Variants in PTPN14 observed in about 807,000 individuals in gnomAD.
PTPN14 encodes protein tyrosine phosphatase non-receptor type 14.
A neutral mutation model predicts 126.8 loss-of-function variants in PTPN14; 53 were observed. The ratio of observed to expected loss-of-function variants is 0.42; its 90% CI spans 0.34 to 0.53. PTPN14 has a LOEUF of 0.53. Among genes scored for constraint, PTPN14 ranks in the 20% least tolerant of loss-of-function variants. The pLI, the probability that PTPN14 is intolerant of heterozygous loss-of-function variation, is 0.08. For synonymous variants in PTPN14, 630 were observed against 599.3 expected (o/e 1.05, Z -0.75); for missense variants, 1,257 against 1,552.9 (o/e 0.81, Z 3.20).
At chr1:214,542,379 C>T (rs949046012) in intron 1 of PTPN14, among the ~76,000 whole-genome samples, 7 of 152,172 alleles carry the variant, frequency 4.6e-5, no homozygotes, top group African/African-American at 1.7e-4. Flanking sequence ...CAAAGTGGTG[C>T]CACAACAGGT....
Position 214,350,969 on chromosome 1 carries a change from G to T in PTPN14, c.*6953C>A, listed in dbSNP as rs570262964. 1 of 151,838 alleles carries T rather than the reference G, an allele frequency of 6.6e-6. No individual in the cohort carries two copies. The highest frequency in any genetic ancestry group is 2.4e-5 in the African/African-American group (1 of 41,356). The allele number at this position is 151,838 out of a possible 1,614,324, so 9.4% of individuals were successfully genotyped here. A position where few individuals can be genotyped will look rare whatever the true frequency, so the allele number is the denominator to read the frequency against. On this transcript the variant is annotated 3_prime_UTR_variant, in exon 19 of 19. Transcript: ENST00000366956. Reference sequence around the variant, plus strand: ...AGGTTTAAGGCAATGATTCTCTGACGAGGATTAACTCTTACATCTGGGTTG... The same window carrying T: ...AGGTTTAAGGCAATGATTCTCTGACTAGGATTAACTCTTACATCTGGGTTG...
intron 4 of PTPN14, among the ~76,000 whole-genome samples, chr1:214,413,027 A>G (rs116248220): frequency 0.017 from 2,594 of 152,126 alleles, 76 homozygotes; most frequent in African/African-American, 0.059. Context: ...ACAACACCAT[A>G]CTGGGCTAAT....
At chr1:214,536,609 ACC>A in intron 1 of PTPN14, among the ~76,000 whole-genome samples, 1 of 152,084 alleles carries the variant, frequency 6.6e-6, no homozygotes, top group African/African-American at 2.4e-5. Flanking sequence ...ACCTAGTGAT[ACC>A]CTGTCTCTAC....
At chr1:214,453,274 C>T (rs1008491723) in intron 2 of PTPN14, among the ~76,000 whole-genome samples, 7 of 152,318 alleles carry the variant, frequency 4.6e-5, no homozygotes, top group African/African-American at 1.4e-4. Context: ...TGAATTCTGA[C>T]CCTATTATTC....
At chr1:214,447,035 T>C (rs1276707372) in intron 3 of PTPN14, among the ~76,000 whole-genome samples, 1 of 152,188 alleles carries the variant, frequency 6.6e-6, no homozygotes, top group Admixed American at 6.5e-5. Flanking sequence ...AAAGACTAAC[T>C]GTTTTGTGTC....
chr1:214,414,523 A>G (rs1659381934), intron 4 of PTPN14, 106 bp downstream of exon 4: 3 of 1,022,696 alleles, frequency 2.9e-6, no homozygotes, highest in Non-Finnish European at 4.5e-6. Flanking sequence ...AGGGAGCATT[A>G]CTAAGGGATC....
chr1:214,404,186 A>G (rs1659105954), intron 5 of PTPN14, among the ~76,000 whole-genome samples: 1 of 152,222 alleles, frequency 6.6e-6, no homozygotes, highest in African/African-American at 2.4e-5. Context: ...AATCTGAAAA[A>G]TCAATATATT....
chr1:214,494,034 G>A (rs941271553), intron 1 of PTPN14, among the ~76,000 whole-genome samples: 2 of 152,024 alleles, frequency 1.3e-5, no homozygotes, highest in African/African-American at 2.4e-5. Flanking sequence ...CCTCTCTCCC[G>A]TCCTTAGTGC....
At chr1:214,520,285 A>C (rs1161269554) in intron 1 of PTPN14, among the ~76,000 whole-genome samples, 1 of 151,958 alleles carries the variant, frequency 6.6e-6, no homozygotes, top group Non-Finnish European at 1.5e-5. Context: ...GATTCTCTAC[A>C]AACTACATCT....
intron 3 of PTPN14, among the ~76,000 whole-genome samples, chr1:214,444,428 A>G (rs1486482158): frequency 1.3e-5 from 2 of 152,346 alleles, no homozygotes; most frequent in East Asian, 3.9e-4. Flanking sequence ...GAGTCCCTGT[A>G]TCCCAGCCCA....
At chr1:214,528,844 T>C (rs1038542269) in intron 1 of PTPN14, 7 of 151,336 alleles carry the variant, frequency 4.6e-5, no homozygotes, top group Non-Finnish European at 1.0e-4. Context: ...GGCACAAGAA[T>C]CACTTAAATC....
At chr1:214,430,956 T>C (rs1448197267) in intron 3 of PTPN14, among the ~76,000 whole-genome samples, 1 of 152,176 alleles carries the variant, frequency 6.6e-6, no homozygotes. Context: ...CCTTATACTT[T>C]GAAAATAATT....
intron 1 of PTPN14, among the ~76,000 whole-genome samples, chr1:214,497,674 C>T (rs764753743): frequency 6.6e-6 from 1 of 152,154 alleles, no homozygotes; most frequent in Non-Finnish European, 1.5e-5. Context: ...ACTCCTGAGA[C>T]AGGCAGCTTA....
intron 1 of PTPN14, among the ~76,000 whole-genome samples, chr1:214,506,684 C>A (rs564167665): frequency 2.0e-5 from 3 of 152,174 alleles, no homozygotes; most frequent in Non-Finnish European, 4.4e-5. Flanking sequence ...TGCTCATTAA[C>A]CAGGGATACA....
intron 1 of PTPN14, chr1:214,531,595 C>T (rs771454691): frequency 6.6e-6 from 1 of 151,896 alleles, no homozygotes; most frequent in African/African-American, 2.4e-5. Context: ...GAAGATTTCT[C>T]GTATCTGCCC....
At position 214,459,827 on chromosome 1, in the gene PTPN14, C is replaced by A. The variant is rs539047279; in HGVS notation, c.174+4803G>T. Among the ~76,000 whole-genome samples the A allele has an allele frequency of 1.1e-3, 164 of 152,312 alleles. 5 individuals carry two copies. In the East Asian group the frequency reaches 0.029, roughly 27 times the overall value. ...GTTCTTTACCTAACATGCAAGGTAA[C>A]TATGTCATGCTCCTCCTTGGAGTCC... On this transcript the variant is annotated intron_variant, in intron 2 of 18. Transcript: ENST00000366956.
intron 3 of PTPN14, among the ~76,000 whole-genome samples, chr1:214,449,207 G>C (rs74579941): frequency 1.3e-5 from 2 of 150,682 alleles, no homozygotes; most frequent in South Asian, 4.2e-4. Context: ...GGGGTTTCAC[G>C]GTGTTAGCCA....
intron 3 of PTPN14, among the ~76,000 whole-genome samples, chr1:214,436,182 G>A (rs1659910937): frequency 6.6e-6 from 1 of 152,122 alleles, no homozygotes; most frequent in African/African-American, 2.4e-5. Flanking sequence ...TTTTAAGTGG[G>A]AGCTAAACAT....
intron 3 of PTPN14, among the ~76,000 whole-genome samples, chr1:214,422,079 G>A (rs1407432047): frequency 1.3e-5 from 2 of 152,150 alleles, no homozygotes; most frequent in Non-Finnish European, 1.5e-5. Flanking sequence ...AGAAAGGAGG[G>A]AGAAAGGGAG....
Sources: allele counts gnomAD v4.1 joint callset (sites outside exome capture counted in the v4.1 genomes callset), GRCh38; gene constraint gnomAD v4.1.1; transcripts MANE v1.5; gene names NCBI Gene and HGNC (gene_info 2026-07-23, HGNC 2026-07-21).